Variants in ST3GAL6 observed in about 807,000 individuals in gnomAD.
The protein encoded by ST3GAL6 is ST3 beta-galactoside alpha-2,3-sialyltransferase 6.
ST3GAL6 carries 31 observed loss-of-function variants against 40.5 expected under a neutral mutation model. The ratio of observed to expected loss-of-function variants is 0.77; its 90% CI spans 0.58 to 1.03. The LOEUF (loss-of-function observed/expected upper bound fraction) is 1.03, where lower values mean the gene tolerates loss of function less well. Among genes scored for constraint, ST3GAL6 ranks in the 50% least tolerant of loss-of-function variants. The pLI is 0.00. For missense variants in ST3GAL6, 357 were observed against 393.2 expected (o/e 0.91, Z 0.78); for synonymous variants, 129 against 136.9 (o/e 0.94, Z 0.40).
At chr3:98,766,170 A>G (rs571867960) in intron 1 of ST3GAL6, among the ~76,000 whole-genome samples, 32 of 152,298 alleles carry the variant, frequency 2.1e-4, no homozygotes, top group Admixed American at 6.5e-4. Flanking sequence ...CATATTAGTG[A>G]ATGAAAAACA....
At chr3:98,792,022 A>C (rs749950270) in intron 9 of ST3GAL6, 29 bp downstream of exon 9, 1 of 1,556,676 alleles carries the variant, frequency 6.4e-7, no homozygotes, top group Admixed American at 1.9e-5. Flanking sequence ...GGTAATATAC[A>C]TATGCTTTGG....
chr3:98,765,514 T>C (rs528648290), intron 1 of ST3GAL6, among the ~76,000 whole-genome samples: 2 of 152,332 alleles, frequency 1.3e-5, no homozygotes, highest in African/African-American at 4.8e-5. Flanking sequence ...CCACACAAAA[T>C]ATGCTTTTAC....
chr3:98,783,709 G>T (rs13080057), intron 5 of ST3GAL6: 2 of 985,038 alleles, frequency 2.0e-6, no homozygotes, highest in African/African-American at 1.7e-5. Context: ...AGCCCTCCCC[G>T]CCCCCAAGTC....
Position 98,770,860 on chromosome 3 carries a change from C to T in ST3GAL6, c.90-19C>T. ...GTGCCCGATTCTGGTTTCTGACTGA[C>T]ATTATTTTTGTCTCATAGGGTGGCA... On this transcript the variant is annotated intron_variant, in intron 2 of 9. Transcript: ENST00000483910. 6.2e-7 allele frequency: 1 copy of T among 1,612,062 alleles called. No homozygotes were observed. Among genetic ancestry groups the T allele is most frequent in the Non-Finnish European group, 8.5e-7 (1 of 1,178,256 alleles).
Position 98,771,150 on chromosome 3 carries a change from G to A in ST3GAL6, c.167+194G>A, listed in dbSNP as rs1255326220. The A allele has an allele frequency of 3.3e-6, 5 of 1,495,320 alleles. No individual in the cohort carries two copies. The South Asian group carries it at 3.6e-5, about 11-fold the overall frequency. The allele number at this position is 1,495,320 out of a possible 1,614,324, so 92.6% of individuals were successfully genotyped here. A position where few individuals can be genotyped will look rare whatever the true frequency, so the allele number is the denominator to read the frequency against. On this transcript the variant is annotated intron_variant, in intron 3 of 9. Coordinates refer to ENST00000483910, the MANE Select transcript of ST3GAL6 (RefSeq NM_001323368.2). ...AGCTCTGCATATATTTTAAGAAAAG[G>A]CATTGAGGAACTCAATCAAACCAGT...
At chr3:98,785,510 T>G (rs533570852) in intron 6 of ST3GAL6, among the ~76,000 whole-genome samples, 1 of 152,096 alleles carries the variant, frequency 6.6e-6, no homozygotes, top group Non-Finnish European at 1.5e-5. Flanking sequence ...GCAGAAAGGA[T>G]GTTTGCTGCA....
In ST3GAL6 at chr3:98,793,847, G is replaced by C; in HGVS notation, c.*86G>C. 1 of 758,312 alleles carries C rather than the reference G, an allele frequency of 1.3e-6. No homozygotes were observed. Among genetic ancestry groups the C allele is most frequent in the Non-Finnish European group, 2.1e-6 (1 of 479,936 alleles). 47.0% of individuals were successfully genotyped at this position (758,312 alleles called of 1,614,324 possible). ...AGTTTAAAATATGTTGGATGCACTC[G>C]TCAAATAATTATGTATACTGTCTGT... On this transcript the variant is annotated 3_prime_UTR_variant, in exon 10 of 10. Transcript: ENST00000483910.
intron 1 of ST3GAL6, among the ~76,000 whole-genome samples, chr3:98,736,216 T>G (rs190115197): frequency 2.0e-4 from 31 of 152,288 alleles, no homozygotes; most frequent in Admixed American, 1.6e-3. Context: ...TTAGGAGATT[T>G]TCTTAAAAAC....
At chr3:98,738,921 A>G (rs1397544204) in intron 1 of ST3GAL6, among the ~76,000 whole-genome samples, 2 of 152,228 alleles carry the variant, frequency 1.3e-5, no homozygotes, top group East Asian at 1.9e-4. Flanking sequence ...TGCACATGGC[A>G]CATACTCTAA....
In ST3GAL6 at chr3:98,791,301, T is replaced by A. The variant is rs200416359; in HGVS notation, c.757-540T>A. On this transcript the variant is annotated intron_variant, in intron 8 of 9. Coordinates refer to ENST00000483910, the MANE Select transcript of ST3GAL6 (RefSeq NM_001323368.2). ...TTGGAATATTTATTTTCTAGTCAGA[T>A]ACTGTTACAATTTATCATTGAAGTA... Among the ~76,000 whole-genome samples the A allele has an allele frequency of 3.9e-5, 6 of 152,350 alleles. No homozygotes were observed. In the East Asian group the frequency reaches 9.7e-4, roughly 25 times the overall value.
chr3:98,792,511 A>G (rs997277085), intron 9 of ST3GAL6, among the ~76,000 whole-genome samples: 1 of 141,694 alleles, frequency 7.1e-6, no homozygotes, highest in Non-Finnish European at 1.5e-5. Context: ...TTTTAGTTTA[A>G]ATTTTTTTTT....
At chr3:98,744,124 G>A (rs1034197460) in intron 1 of ST3GAL6, among the ~76,000 whole-genome samples, 5 of 152,192 alleles carry the variant, frequency 3.3e-5, no homozygotes, top group African/African-American at 4.8e-5. Context: ...CACAAGCCAA[G>A]GAATGCCCAA....
chr3:98,787,390 T>C (rs989941687), intron 6 of ST3GAL6, among the ~76,000 whole-genome samples: 3 of 152,304 alleles, frequency 2.0e-5, no homozygotes, highest in South Asian at 2.1e-4. Context: ...AAAGCATTTC[T>C]TTTTTTATAG....
intron 2 of ST3GAL6, chr3:98,770,327 G>A (rs1938835643): frequency 6.5e-6 from 1 of 152,780 alleles, no homozygotes; most frequent in South Asian, 2.1e-4. Context: ...CCATTCAGGA[G>A]CACACAAGGG....
intron 5 of ST3GAL6, among the ~76,000 whole-genome samples, chr3:98,778,446 A>G (rs1312146112): frequency 6.6e-6 from 1 of 152,252 alleles, no homozygotes. Context: ...GCTGTTTTGC[A>G]GAGTTTCTTT....
chr3:98,732,767 C>A, intron 1 of ST3GAL6: 1 of 1,253,356 alleles, frequency 8.0e-7, no homozygotes, highest in Non-Finnish European at 1.1e-6. Context: ...CTCCTCTGCT[C>A]CCCCGCCAGA....
At chr3:98,732,902 A>G in intron 1 of ST3GAL6, 1 of 1,507,332 alleles carries the variant, frequency 6.6e-7, no homozygotes, top group Non-Finnish European at 8.8e-7. Context: ...AGCCGGCTGG[A>G]GCAGCGGCCC....
chr3:98,777,649 C>G (rs1349247664), intron 5 of ST3GAL6, among the ~76,000 whole-genome samples: 1 of 152,184 alleles, frequency 6.6e-6, no homozygotes, highest in Non-Finnish European at 1.5e-5. Context: ...TCCCTGGTCC[C>G]CATCTGTTTT....
intron 3 of ST3GAL6, among the ~76,000 whole-genome samples, chr3:98,771,761 T>G (rs3821359): frequency 0.41 from 62,944 of 152,068 alleles, 13,236 homozygotes; most frequent in Non-Finnish European, 0.45. Context: ...GATTCCAAGT[T>G]TGCTATGGCT....
Sources: gnomAD v4.1 joint callset for allele counts (sites outside exome capture counted in the v4.1 genomes callset) on GRCh38, gnomAD v4.1.1 for gene constraint, MANE v1.5 for transcripts, NCBI Gene and HGNC (gene_info 2026-07-23, HGNC 2026-07-21) for gene names.